Variants in NALF1 observed in about 807,000 individuals in gnomAD.
NALF1 encodes the protein NALCN channel auxiliary factor 1.
Under a neutral mutation model 48.4 loss-of-function variants are expected in NALF1, and 3 were observed. The ratio of observed to expected loss-of-function variants is 0.06; its 90% CI spans 0.03 to 0.16. The LOEUF (loss-of-function observed/expected upper bound fraction) is 0.16. NALF1 is among the 10% of genes least tolerant of loss of function. The pLI, the probability that NALF1 is intolerant of heterozygous loss-of-function variation, is 1.00. For synonymous variants in NALF1, 262 were observed against 245.7 expected (o/e 1.07, Z -0.62); for missense variants, 526 against 571.5 (o/e 0.92, Z 0.81).
intron 1 of NALF1, among the ~76,000 whole-genome samples, chr13:107,804,479 C>CA (rs1311572250): frequency 6.6e-6 from 1 of 151,820 alleles, no homozygotes; most frequent in Non-Finnish European, 1.5e-5. Context: ...CTCATACCCT[C>CA]ACTCTAGCTC....
chr13:107,196,657 T>C (rs1879398831), intron 2 of NALF1, among the ~76,000 whole-genome samples: 1 of 151,878 alleles, frequency 6.6e-6, no homozygotes, highest in Non-Finnish European at 1.5e-5. Context: ...AGTTCAAATA[T>C]AGAGAGATGA....
rs180761900 is a variant in NALF1, at chr13:107,246,349, C to G, written c.916-35594G>C. Among the ~76,000 whole-genome samples the G allele has an allele frequency of 2.2e-3, 335 of 152,198 alleles. 3 individuals are homozygous for G. The Middle Eastern group carries it at 0.034, about 16-fold the overall frequency. ...TAAGTTGTGATTTTATTATATTTAA[C>G]AATCTTTTTTCATGAAGAGAACAAA... On this transcript the variant is annotated intron_variant, in intron 1 of 2. Coordinates refer to ENST00000375915, the MANE Select transcript of NALF1 (RefSeq NM_001080396.3).
At chr13:107,853,780 A>G (rs1013843850) in intron 1 of NALF1, among the ~76,000 whole-genome samples, 2 of 152,226 alleles carry the variant, frequency 1.3e-5, no homozygotes, top group African/African-American at 4.8e-5. Context: ...AATAAAACAC[A>G]CAAAAATAGA....
At chr13:107,280,488 T>G (rs1392039974) in intron 1 of NALF1, among the ~76,000 whole-genome samples, 1 of 152,256 alleles carries the variant, frequency 6.6e-6, no homozygotes, top group East Asian at 1.9e-4. Flanking sequence ...TTATCCATTA[T>G]GTATTTCCTC....
intron 1 of NALF1, among the ~76,000 whole-genome samples, chr13:107,542,670 C>T (rs1271225551): frequency 6.6e-6 from 1 of 151,972 alleles, no homozygotes; most frequent in African/African-American, 2.4e-5. Flanking sequence ...ATCAATAAAC[C>T]ATGTCAATTA....
chr13:107,709,634 G>A (rs529560119), intron 1 of NALF1, among the ~76,000 whole-genome samples: 9 of 152,186 alleles, frequency 5.9e-5, no homozygotes, highest in Non-Finnish European at 1.3e-4. Flanking sequence ...TTATCAATCA[G>A]TATCTTGTGT....
At position 107,618,292 on chromosome 13, in the gene NALF1, A is replaced by G. The variant is rs577438230; in HGVS notation, c.915+247390T>C. Among the ~76,000 whole-genome samples the G allele has an allele frequency of 1.1e-4, 17 of 152,318 alleles. No individual in the cohort carries two copies. The East Asian group carries it at 2.9e-3, about 26-fold the overall frequency. On this transcript the variant is annotated intron_variant, in intron 1 of 2. Coordinates refer to ENST00000375915, the MANE Select transcript of NALF1 (RefSeq NM_001080396.3). ...GCAAACAGGAACTGTTCAAGGCAGG[A>G]AAGAAATTGTTATAAACTGGACCTG...
chr13:107,229,925 G>A (rs1880184670), intron 1 of NALF1, among the ~76,000 whole-genome samples: 1 of 152,178 alleles, frequency 6.6e-6, no homozygotes, highest in Admixed American at 6.5e-5. Flanking sequence ...GAAAAACAGG[G>A]TAAAGCGAAG....
chr13:107,500,248 C>T (rs1165211342), intron 1 of NALF1, among the ~76,000 whole-genome samples: 4 of 152,142 alleles, frequency 2.6e-5, no homozygotes, highest in Non-Finnish European at 5.9e-5. Flanking sequence ...CAACAGAATA[C>T]TTGCGACTGG....
At chr13:107,385,277 G>A (rs1328602467) in intron 1 of NALF1, among the ~76,000 whole-genome samples, 1 of 152,088 alleles carries the variant, frequency 6.6e-6, no homozygotes, top group Non-Finnish European at 1.5e-5. Flanking sequence ...ATCTGGCAGG[G>A]CGCAGTGGCT....
intron 1 of NALF1, among the ~76,000 whole-genome samples, chr13:107,262,767 G>GCA (rs1280864865): frequency 0.019 from 838 of 43,052 alleles, 8 homozygotes; most frequent in African/African-American, 0.066. Flanking sequence ...TAACCCACAG[G>GCA]CGCTCTCTCT....
chr13:107,625,966 A>G (rs1346659635), intron 1 of NALF1, among the ~76,000 whole-genome samples: 1 of 152,062 alleles, frequency 6.6e-6, no homozygotes, highest in Admixed American at 6.6e-5. Flanking sequence ...CTGAATACTG[A>G]GGGCATTTGC....
rs531764187 is a variant in NALF1, at chr13:107,287,935, G to C, written c.916-77180C>G. On this transcript the variant is annotated intron_variant, in intron 1 of 2. Coordinates refer to ENST00000375915, the MANE Select transcript of NALF1 (RefSeq NM_001080396.3). ...TTGGCCAGTCTGGTCTTGAACTCTT[G>C]ACCTCAAGGTGATCCACCCACCTTG... is the stretch of plus-strand genomic sequence containing the variant. Among the ~76,000 whole-genome samples the C allele has an allele frequency of 4.6e-5, 7 of 151,698 alleles. No individual in the cohort carries two copies. The South Asian group carries it at 1.2e-3, about 27-fold the overall frequency.
At chr13:107,219,562 G>C (rs1284513160) in intron 1 of NALF1, among the ~76,000 whole-genome samples, 1 of 152,184 alleles carries the variant, frequency 6.6e-6, no homozygotes, top group African/African-American at 2.4e-5. Context: ...GGAGAAGAGA[G>C]AATGTGTTAG....
chr13:107,862,777 CA>C (rs1012588065), intron 1 of NALF1, among the ~76,000 whole-genome samples: 2 of 151,686 alleles, frequency 1.3e-5, no homozygotes, highest in Non-Finnish European at 3.0e-5. Context: ...GCCTTTTAAA[CA>C]ATTTAAATCA....
At chr13:107,567,263 T>TA (rs1328950185) in intron 1 of NALF1, among the ~76,000 whole-genome samples, 1 of 152,208 alleles carries the variant, frequency 6.6e-6, no homozygotes, top group Non-Finnish European at 1.5e-5. Context: ...TCCCCATACT[T>TA]ACCAAAATGT....
intron 1 of NALF1, among the ~76,000 whole-genome samples, chr13:107,839,574 A>G (rs1879990690): frequency 6.6e-6 from 1 of 151,726 alleles, no homozygotes; most frequent in Non-Finnish European, 1.5e-5. Context: ...CTGTGAGGAA[A>G]TTAAAGGAGA....
chr13:107,554,716 G>A (rs1877404314), intron 1 of NALF1, among the ~76,000 whole-genome samples: 1 of 152,150 alleles, frequency 6.6e-6, no homozygotes, highest in Admixed American at 6.5e-5. Flanking sequence ...TTCTGACAGT[G>A]GCTCACCATT....
At chr13:107,553,939 T>C (rs1291247180) in intron 1 of NALF1, among the ~76,000 whole-genome samples, 1 of 152,200 alleles carries the variant, frequency 6.6e-6, no homozygotes, top group Non-Finnish European at 1.5e-5. Flanking sequence ...TAAAAGAGCA[T>C]ATCCATGCAC....
Sources: gnomAD v4.1 joint callset for allele counts (sites outside exome capture counted in the v4.1 genomes callset) on GRCh38, gnomAD v4.1.1 for gene constraint, MANE v1.5 for transcripts, NCBI Gene and HGNC (gene_info 2026-07-23, HGNC 2026-07-21) for gene names.